Variants in SYNPR observed in about 807,000 individuals in gnomAD.
The protein encoded by SYNPR is synaptoporin.
A neutral mutation model predicts 32.9 loss-of-function variants in SYNPR; 23 were observed. That is an observed-to-expected ratio of 0.70 (90% CI 0.50 to 0.99). SYNPR has a LOEUF of 0.99. Ranked by LOEUF, SYNPR falls within the 50% of genes least tolerant of loss-of-function variation. SYNPR has a pLI of 0.00. For missense variants in SYNPR, 318 were observed against 349.3 expected, an observed-to-expected ratio of 0.91 and a Z score of 0.71; for synonymous variants, 146 against 135.9, an observed-to-expected ratio of 1.07 and a Z score of -0.52.
chr3:63,486,749 G>C (rs1292634454), intron 3 of SYNPR, among the ~76,000 whole-genome samples: 1 of 152,098 alleles, frequency 6.6e-6, no homozygotes, highest in African/African-American at 2.4e-5. Context: ...TTCAAAAACA[G>C]ACAAACAAAC....
intron 4 of SYNPR, among the ~76,000 whole-genome samples, chr3:63,559,009 C>A (rs1459094196): frequency 6.6e-6 from 1 of 151,310 alleles, no homozygotes; most frequent in Non-Finnish European, 1.5e-5. Flanking sequence ...TATCAAGTAA[C>A]TGTTCCATTG....
intron 2 of SYNPR, among the ~76,000 whole-genome samples, chr3:63,452,285 A>C (rs1284579308): frequency 6.6e-6 from 1 of 152,208 alleles, no homozygotes; most frequent in African/African-American, 2.4e-5. Flanking sequence ...TCGGGGGGAC[A>C]GGCAATTTAA....
At chr3:63,234,408 G>A (rs2106875565) in intron 1 of SYNPR, among the ~76,000 whole-genome samples, 1 of 152,206 alleles carries the variant, frequency 6.6e-6, no homozygotes, top group East Asian at 1.9e-4. Flanking sequence ...CACAACCACT[G>A]GATCTTTGGG....
chr3:63,556,839 G>A (rs1376286303), intron 4 of SYNPR, 98 bp downstream of exon 4: 1 of 1,147,796 alleles, frequency 8.7e-7, no homozygotes, highest in African/African-American at 1.6e-5. Flanking sequence ...CTCGGGTTAG[G>A]TGTTTGAAAG....
intron 2 of SYNPR, among the ~76,000 whole-genome samples, chr3:63,474,562 A>G (rs953713732): frequency 1.6e-4 from 25 of 152,104 alleles, no homozygotes; most frequent in African/African-American, 6.0e-4. Context: ...GGAGTTGTGT[A>G]GATCTCCTCC....
At chr3:63,437,335 C>T (rs78138479) in intron 2 of SYNPR, among the ~76,000 whole-genome samples, 2,553 of 152,166 alleles carry the variant, frequency 0.017, 61 homozygotes, top group African/African-American at 0.058. Context: ...TGTATGCATT[C>T]GTTTACAAGC....
At chr3:63,359,837 C>T (rs1010665273) in intron 2 of SYNPR, among the ~76,000 whole-genome samples, 9 of 152,128 alleles carry the variant, frequency 5.9e-5, no homozygotes, top group Non-Finnish European at 8.8e-5. Context: ...TCATTAGTGT[C>T]TTTGGCTATA....
chr3:63,260,982 C>A (rs2086432567), intron 2 of SYNPR, among the ~76,000 whole-genome samples: 1 of 152,126 alleles, frequency 6.6e-6, no homozygotes, highest in African/African-American at 2.4e-5. Context: ...TCATCACTGG[C>A]CATCTGAGAA....
At chr3:63,585,006 T>C (rs1245169807) in intron 4 of SYNPR, among the ~76,000 whole-genome samples, 1 of 152,090 alleles carries the variant, frequency 6.6e-6, no homozygotes, top group Non-Finnish European at 1.5e-5. Flanking sequence ...TGCATAAAGT[T>C]GAAGAGCCCT....
rs1305536846 is a variant in SYNPR, at chr3:63,313,779, A to G, written c.84+35037A>G. Among the ~76,000 whole-genome samples, 45 of 42,646 alleles carry G rather than the reference A, an allele frequency of 1.1e-3. 4 individuals carry two copies. Among genetic ancestry groups the G allele is most frequent in the Non-Finnish European group, 1.3e-3 (29 of 22,208 alleles). The allele number at this position is 42,646 out of a possible 152,430, so 28.0% of individuals were successfully genotyped here. ...TATCCATATATATATCCATATATATATATCCATATATATATATCCATATAT... is the reference window on the plus strand; with the variant it reads ...TATCCATATATATATCCATATATATGTATCCATATATATATATCCATATAT... On this transcript the variant is annotated intron_variant, in intron 2 of 5. Coordinates refer to ENST00000478300, the MANE Select transcript of SYNPR (RefSeq NM_001130003.2).
intron 2 of SYNPR, among the ~76,000 whole-genome samples, chr3:63,362,364 G>C (rs533455685): frequency 5.3e-5 from 8 of 152,238 alleles, no homozygotes; most frequent in African/African-American, 9.6e-5. Flanking sequence ...GACCCAAACA[G>C]GAAGTTTTAA....
chr3:63,203,674 T>C, the SYNPR span, among the ~76,000 whole-genome samples: 1 of 152,194 alleles, frequency 6.6e-6, no homozygotes, highest in Non-Finnish European at 1.5e-5. Flanking sequence ...TCTCACATGC[T>C]ACCTAGACAC....
intron 2 of SYNPR, among the ~76,000 whole-genome samples, chr3:63,373,024 A>G (rs568199650): frequency 6.6e-6 from 1 of 152,012 alleles, no homozygotes; most frequent in Non-Finnish European, 1.5e-5. Flanking sequence ...TCAGCTACAA[A>G]CCCCCTGCAA....
chr3:63,610,591 G>A (rs186993061), intron 5 of SYNPR: 1 of 660,628 alleles, frequency 1.5e-6, no homozygotes, highest in South Asian at 1.7e-5. Context: ...CTGCATTAGG[G>A]TCTCACAATA....
intron 2 of SYNPR, among the ~76,000 whole-genome samples, chr3:63,344,292 T>C (rs1449850156): frequency 2.0e-5 from 3 of 152,088 alleles, no homozygotes; most frequent in Non-Finnish European, 4.4e-5. Context: ...GCACTTCTTC[T>C]CTCCTACCTA....
At chr3:63,356,864 G>T (rs905446320) in intron 2 of SYNPR, among the ~76,000 whole-genome samples, 1 of 152,206 alleles carries the variant, frequency 6.6e-6, no homozygotes, top group Non-Finnish European at 1.5e-5. Context: ...CAATATATGT[G>T]AGCAAATCTG....
intron 2 of SYNPR, among the ~76,000 whole-genome samples, chr3:63,454,847 A>G (rs955035824): frequency 6.6e-6 from 1 of 152,106 alleles, no homozygotes; most frequent in African/African-American, 2.4e-5. Context: ...TTGCCTAAAT[A>G]TGAAGGTGTT....
intron 4 of SYNPR, among the ~76,000 whole-genome samples, chr3:63,563,778 G>T (rs915297526): frequency 1.3e-5 from 2 of 152,100 alleles, no homozygotes; most frequent in African/African-American, 2.4e-5. Context: ...CTTGCTAGGG[G>T]TATGTAGACA....
chr3:63,357,038 G>A (rs2087592550), intron 2 of SYNPR, among the ~76,000 whole-genome samples: 1 of 152,184 alleles, frequency 6.6e-6, no homozygotes, highest in South Asian at 2.1e-4. Context: ...CTCCACAGAT[G>A]ATGACAATAA....
Sources: allele counts gnomAD v4.1 joint callset (sites outside exome capture counted in the v4.1 genomes callset), GRCh38; gene constraint gnomAD v4.1.1; transcripts MANE v1.5; gene names NCBI Gene and HGNC (gene_info 2026-07-23, HGNC 2026-07-21).